NEB: variants seen among roughly 807,000 people sequenced by gnomAD.
NEB encodes nemaline myopathy type 2.
Under a neutral mutation model 952.2 loss-of-function variants are expected in NEB, and 512 were observed. That is an observed-to-expected ratio of 0.54 (90% CI 0.50 to 0.58). NEB has a LOEUF of 0.58. Ranked by LOEUF, NEB falls within the 20% of genes least tolerant of loss-of-function variation. The pLI is 0.00. For synonymous variants in NEB, 2,900 were observed against 3,149.8 expected, an observed-to-expected ratio of 0.92 and a Z score of 2.66; for missense variants, 8,428 against 9,231.1, an observed-to-expected ratio of 0.91 and a Z score of 3.56.
At chr2:151,501,559 C>A in intron 167 of NEB, 76 bp from the exon 168 acceptor site, 1 of 729,668 alleles carries the variant, frequency 1.4e-6, no homozygotes, top group Non-Finnish European at 2.0e-6. Flanking sequence ...AAAAAACAGC[C>A]TAAAAGAAGT....
intron 75 of NEB, 56 bp from the exon 76 acceptor site, chr2:151,616,165 CATT>C (rs2098187043): frequency 8.2e-7 from 1 of 1,212,574 alleles, no homozygotes; most frequent in Non-Finnish European, 1.2e-6. Context: ...TGAAGCTGTT[CATT>C]ATTAGTTTTT....
rs1190579105 is a variant in NEB, at chr2:151,684,850, T to C, written c.2763A>G (p.Leu921=). 6.2e-7 allele frequency: 1 copy of C among 1,613,448 alleles called. No homozygotes were observed. Among genetic ancestry groups the C allele is most frequent in the African/African-American group, 1.3e-5 (1 of 75,054 alleles). Residue 921 remains leucine, a synonymous_variant, in exon 28 of 182, where the codon TTA becomes TTG. Transcript: ENST00000397345. ...IASDVDYKHI[L]HSYSYPPDSI... ...TATCAGGGGGGTAGCTGTAACTGTG[T>C]AAGATGTGCTTATAATCAACGTCGC...
chr2:151,509,421 A>C (rs2072167121), intron 161 of NEB, among the ~76,000 whole-genome samples: 1 of 152,174 alleles, frequency 6.6e-6, no homozygotes, highest in Non-Finnish European at 1.5e-5. Context: ...AGATTAAGCA[A>C]AAGCTACCTC....
intron 61 of NEB, 121 bp downstream of exon 61, chr2:151,640,234 A>G: frequency 1.3e-6 from 2 of 1,486,824 alleles, no homozygotes; most frequent in Non-Finnish European, 1.8e-6. Context: ...TCCTGTCGAT[A>G]AAGGCAATGC....
chr2:151,531,308 C>CTTTT (rs1159075000), intron 144 of NEB, among the ~76,000 whole-genome samples: 8 of 84,028 alleles, frequency 9.5e-5, no homozygotes, highest in East Asian at 7.7e-4. Context: ...TTTTTTCTTT[C>CTTTT]TTTTTTTTTT....
In NEB at chr2:151,581,699, T is replaced by C. The variant is rs1344479415; in HGVS notation, c.16180-112A>G. 7 of 1,228,240 alleles carry C rather than the reference T, an allele frequency of 5.7e-6. No individual in the cohort carries two copies. The Admixed American group carries it at 1.0e-4, about 18-fold the overall frequency. The allele number at this position is 1,228,240 out of a possible 1,614,324, so 76.1% of individuals were successfully genotyped here. On this transcript the variant is annotated intron_variant, in intron 102 of 181. Transcript: ENST00000397345. ...TTGAATAAATGGATGATGAAAAAAA[T>C]TTTAAGTGAATTTTATAATAAATTA...
At position 151,508,528 on chromosome 2, in the gene NEB, C is replaced by CAAAG. The variant is rs375244873; in HGVS notation, c.23347-423_23347-420dup. The stretch of plus-strand genomic sequence containing the variant: ...GGAGAGAAGCTGGAGGGTTAAGAGT[C>CAAAG]AAAGACATGACCTCTAGAAAGCCTT... On this transcript the variant is annotated intron_variant, in intron 161 of 181. Transcript: ENST00000397345. Among the ~76,000 whole-genome samples the CAAAG allele has an allele frequency of 5.1e-3, 782 of 152,332 alleles. 6 individuals are homozygous for CAAAG. The highest frequency in any genetic ancestry group is 0.017 in the African/African-American group (718 of 41,572).
chr2:151,710,198 A>C (rs2099740452), intron 11 of NEB, among the ~76,000 whole-genome samples: 1 of 152,228 alleles, frequency 6.6e-6, no homozygotes, highest in Non-Finnish European at 1.5e-5. Context: ...GTCTTACCAT[A>C]ATGTGTTGTA....
At chr2:151,634,717 G>A (rs184535217) in intron 64 of NEB, among the ~76,000 whole-genome samples, 39 of 151,994 alleles carry the variant, frequency 2.6e-4, no homozygotes, top group African/African-American at 8.0e-4. Context: ...AGTAGCAACC[G>A]AGGAGAATTT....
intron 129 of NEB, 36 bp from the exon 130 acceptor site, chr2:151,549,776 G>A (rs541043625): frequency 5.0e-5 from 64 of 1,276,958 alleles, no homozygotes; most frequent in Admixed American, 2.6e-4. Context: ...AAATGACATC[G>A]GGCATCAAGT....
At chr2:151,559,501 T>C (rs958658741) in intron 124 of NEB, among the ~76,000 whole-genome samples, 3 of 152,218 alleles carry the variant, frequency 2.0e-5, no homozygotes, top group African/African-American at 7.2e-5. Context: ...CGTATGTTTA[T>C]TGCAGCACTC....
rs749302235 is a variant in NEB, at chr2:151,545,928, T to G, written c.20537A>C (p.Glu6846Ala). Residue 6846 changes from glutamate to alanine, a missense_variant, in exon 135 of 182, where the codon GAA (glutamate) becomes GCA (alanine). Physicochemically the swap from Glu to Ala is moderately radical, Grantham distance 107. Coordinates refer to ENST00000397345, the MANE Select transcript of NEB (RefSeq NM_001164508.2). ...DKYKVVLDTP[E>A]YRKVQELKTH... ...CTTCAGTTCTTGCACTTTTCTGTAT[T>G]CTGGAGTGTCAAGCACCACTTTGTA... 2 of 1,611,394 alleles carry G rather than the reference T, an allele frequency of 1.2e-6. No homozygotes were observed. The highest frequency in any genetic ancestry group is 2.2e-5 in the South Asian group (2 of 90,912).
At position 151,655,865 on chromosome 2, in the gene NEB, A is replaced by G. The variant is rs771309223; in HGVS notation, c.6654T>C (p.Asp2218=). The G allele has an allele frequency of 6.2e-7, 1 of 1,613,746 alleles. No homozygotes were observed. The highest frequency in any genetic ancestry group is 2.2e-5 in the East Asian group (1 of 44,864). ...GCTTGGCAAGCACCATGTCCATGGA[A>G]TCAGTCAGCTTCTTAAACTGGAAGT... is the stretch of plus-strand genomic sequence containing the variant. ...PSNFQFKKLT[D]SMDMVLAKQN... is the part of the protein sequence containing the mutation. Residue 2218 remains aspartate (D), a synonymous_variant, in exon 50 of 182, where the codon GAT becomes GAC. Transcript: ENST00000397345.
chr2:151,576,076 A>G, intron 106 of NEB, 75 bp downstream of exon 106: 1 of 1,156,642 alleles, frequency 8.6e-7, no homozygotes, highest in South Asian at 1.9e-5. Context: ...ATTATTCTAA[A>G]ATAAATGACC....
Position 151,608,520 on chromosome 2 carries a change from T to C in NEB, c.12487A>G (p.Thr4163Ala). The change falls in exon 82 of 182, where the codon ACT (threonine) becomes GCT (alanine). Residue 4163 changes from threonine to alanine, a missense_variant. By Grantham distance (58) the Thr-to-Ala change is moderately conservative (BLOSUM62 0). This residue lies in a region of NEB where 14 missense variants were observed against 46.4 expected (regional missense o/e 0.30). Coordinates refer to ENST00000397345, the MANE Select transcript of NEB (RefSeq NM_001164508.2). ...EALSFTSIVD[T>A]PEVVLAKANS... ...GCTTTTGCCAAGACAACTTCTGGAG[T>C]GTCGACAATGCTGGTGAATGACAAA... 3.0e-5 allele frequency: 2 copies of C among 67,142 alleles called. No individual in the cohort carries two copies. Among genetic ancestry groups the C allele is most frequent in the Non-Finnish European group, 5.2e-5 (2 of 38,254 alleles). 4.2% of individuals were successfully genotyped at this position (67,142 alleles called of 1,614,324 possible).
Position 151,662,258 on chromosome 2 carries a change from C to A in NEB, c.5847G>T (p.Lys1949Asn). Reference protein sequence around the residue: ...PLGSLEAEKNKKAMEIISEKK... With the variant: ...PLGSLEAEKNNKAMEIISEKK... ...TTTCACTAATAATCTCCATGGCTTT[C>A]TTGTTTTTCTCTGCTTCCAGGGAGC... Residue 1949 changes from lysine (K) to asparagine (N), a missense_variant, in exon 46 of 182, where the codon AAG becomes AAT. Coordinates refer to ENST00000397345, the MANE Select transcript of NEB (RefSeq NM_001164508.2). 6.2e-7 allele frequency: 1 copy of A among 1,613,620 alleles called. No homozygotes were observed.
chr2:151,542,042 C>T (rs939626906), intron 135 of NEB, among the ~76,000 whole-genome samples: 11 of 152,166 alleles, frequency 7.2e-5, no homozygotes, highest in African/African-American at 2.7e-4. Context: ...AGTTTGGCTC[C>T]CACCTACCCA....
At chr2:151,675,198 A>G in intron 35 of NEB, 89 bp downstream of exon 35, 1 of 930,130 alleles carries the variant, frequency 1.1e-6, no homozygotes, top group South Asian at 1.4e-5. Flanking sequence ...AATGGGCCTA[A>G]ATAAATTGTC....
chr2:151,728,436 A>T (rs1049236238), intron 4 of NEB, among the ~76,000 whole-genome samples: 1 of 152,198 alleles, frequency 6.6e-6, no homozygotes, highest in Non-Finnish European at 1.5e-5. Flanking sequence ...ATGAACTTTA[A>T]AAAAATGAAT....
Sources: gnomAD v4.1 joint callset for allele counts (sites outside exome capture counted in the v4.1 genomes callset) on GRCh38, gnomAD v4.1.1 for gene constraint, gnomAD v4.1.1 regional missense constraint, MANE v1.5 for transcripts, NCBI Gene and HGNC (gene_info 2026-07-23, HGNC 2026-07-21) for gene names.